Variants in SMAP1 observed in about 807,000 individuals in gnomAD.
SMAP1 encodes small ArfGAP 1.
In SMAP1, 24 loss-of-function variants were observed where a neutral mutation model predicts 58.5. The observed-to-expected ratio is 0.41, with a 90% CI of 0.30 to 0.58. The LOEUF is 0.58. SMAP1 is among the 20% of genes least tolerant of loss of function. The probability of loss-of-function intolerance (pLI) is 0.29; values close to 1 mark genes in which losing one functional copy is unlikely to be tolerated. For synonymous variants in SMAP1, 216 were observed against 196.6 expected (o/e 1.10, Z -0.82); for missense variants, 563 against 566.3 (o/e 0.99, Z 0.06).
chr6:70,803,444 A>AG (rs1286010402), intron 6 of SMAP1, among the ~76,000 whole-genome samples: 42 of 151,290 alleles, frequency 2.8e-4, no homozygotes, highest in African/African-American at 9.5e-4. Flanking sequence ...TCAAAAAACC[A>AG]CTCCTGGATT....
intron 1 of SMAP1, among the ~76,000 whole-genome samples, chr6:70,697,804 A>G (rs966982704): frequency 6.6e-6 from 1 of 152,118 alleles, no homozygotes; most frequent in Non-Finnish European, 1.5e-5. Flanking sequence ...TAAAACCTCT[A>G]CACTTTAACT....
intron 5 of SMAP1, among the ~76,000 whole-genome samples, chr6:70,796,129 T>G (rs1042116271): frequency 3.3e-5 from 5 of 152,164 alleles, no homozygotes; most frequent in African/African-American, 7.2e-5. Flanking sequence ...TATAAAATTT[T>G]TGCACATCCT....
At chr6:70,851,721 T>A (rs891310070) in intron 7 of SMAP1, among the ~76,000 whole-genome samples, 1 of 152,156 alleles carries the variant, frequency 6.6e-6, no homozygotes, top group Non-Finnish European at 1.5e-5. Context: ...AAAGGGGATA[T>A]AAAATAAACC....
At chr6:70,844,974 C>CT (rs1266750066) in intron 7 of SMAP1, among the ~76,000 whole-genome samples, 1 of 152,180 alleles carries the variant, frequency 6.6e-6, no homozygotes, top group African/African-American at 2.4e-5. Flanking sequence ...GCTGTTTCCA[C>CT]TTTAATTTCA....
intron 4 of SMAP1, among the ~76,000 whole-genome samples, chr6:70,791,028 A>G (rs1562164252): frequency 6.6e-6 from 1 of 152,208 alleles, no homozygotes; most frequent in Admixed American, 6.5e-5. Flanking sequence ...TGTGCTGCAT[A>G]TATAACTGTC....
intron 1 of SMAP1, 147 bp downstream of exon 1, chr6:70,668,288 G>A: frequency 1.2e-6 from 1 of 840,252 alleles, no homozygotes; most frequent in Non-Finnish European, 1.8e-6. Context: ...TGAGCGGGCG[G>A]GCGCGGGGCT....
chr6:70,720,235 G>A (rs1768461340), intron 1 of SMAP1, among the ~76,000 whole-genome samples: 1 of 152,180 alleles, frequency 6.6e-6, no homozygotes, highest in East Asian at 1.9e-4. Flanking sequence ...AAATCCAGCA[G>A]AGCAGTCAAA....
chr6:70,697,235 G>C (rs1386560974), intron 1 of SMAP1, among the ~76,000 whole-genome samples: 2 of 150,972 alleles, frequency 1.3e-5, no homozygotes, highest in Non-Finnish European at 2.9e-5. Context: ...CAATGTTATT[G>C]ATATGTAAGG....
intron 3 of SMAP1, among the ~76,000 whole-genome samples, chr6:70,765,285 A>G (rs1766920013): frequency 6.6e-6 from 1 of 152,230 alleles, no homozygotes; most frequent in Admixed American, 6.5e-5. Context: ...CACGACTTTA[A>G]GCAAAATGAC....
chr6:70,668,429 A>C (rs1489754460), intron 1 of SMAP1: 1 of 1,238,842 alleles, frequency 8.1e-7, no homozygotes, highest in South Asian at 1.7e-5. Context: ...CGGACCCTCC[A>C]CAGGGCTGGG....
At chr6:70,810,642 T>A (rs1769346474) in intron 6 of SMAP1, among the ~76,000 whole-genome samples, 1 of 152,140 alleles carries the variant, frequency 6.6e-6, no homozygotes, top group Non-Finnish European at 1.5e-5. Flanking sequence ...AGTGGTGTGA[T>A]CATAGCTCAC....
chr6:70,721,411 C>T (rs1768522324), intron 1 of SMAP1, among the ~76,000 whole-genome samples: 1 of 152,212 alleles, frequency 6.6e-6, no homozygotes, highest in Admixed American at 6.5e-5. Context: ...CCATCTGAGA[C>T]CACTACAGCC....
chr6:70,766,255 A>G (rs951182548), intron 3 of SMAP1, among the ~76,000 whole-genome samples: 2 of 152,206 alleles, frequency 1.3e-5, no homozygotes, highest in African/African-American at 4.8e-5. Flanking sequence ...CTTTGGGTAC[A>G]TACCTAGTAA....
intron 6 of SMAP1, among the ~76,000 whole-genome samples, chr6:70,818,241 C>CA (rs34322746): frequency 0.25 from 31,893 of 127,300 alleles, 3,523 homozygotes; most frequent in Non-Finnish European, 0.27. Context: ...TAAAAAATTA[C>CA]AAAAAAAAAA....
intron 3 of SMAP1, among the ~76,000 whole-genome samples, chr6:70,766,490 C>G (rs1354639865): frequency 6.6e-6 from 1 of 152,042 alleles, no homozygotes; most frequent in African/African-American, 2.4e-5. Flanking sequence ...ATTTCACTGA[C>G]AGGCAGTGAT....
chr6:70,840,110 G>A (rs556977091), intron 7 of SMAP1, among the ~76,000 whole-genome samples: 4 of 152,276 alleles, frequency 2.6e-5, no homozygotes, highest in Non-Finnish European at 5.9e-5. Flanking sequence ...GCATATCTCC[G>A]TATGAGTGAG....
chr6:70,668,553 TA>T, intron 1 of SMAP1: 1 of 1,530,112 alleles, frequency 6.5e-7, no homozygotes, highest in Admixed American at 2.0e-5. Context: ...GGGCCGCGCT[TA>T]GGTCTGGATC....
intron 1 of SMAP1, among the ~76,000 whole-genome samples, chr6:70,692,544 T>A (rs181334303): frequency 6.6e-6 from 1 of 152,346 alleles, no homozygotes; most frequent in East Asian, 1.9e-4. Context: ...AGTTTCATAG[T>A]TTGAGGTCTT....
intron 10 of SMAP1, 178 bp from the exon 11 acceptor site, chr6:70,860,022 T>C: frequency 1.7e-6 from 1 of 582,368 alleles, no homozygotes; most frequent in Non-Finnish European, 2.7e-6. Context: ...AGAAAGTAGA[T>C]AAAGAAGGGA....
Sources: allele counts gnomAD v4.1 joint callset (sites outside exome capture counted in the v4.1 genomes callset), GRCh38; gene constraint gnomAD v4.1.1; transcripts MANE v1.5; gene names NCBI Gene and HGNC (gene_info 2026-07-23, HGNC 2026-07-21).